POLR3A: variants seen among roughly 807,000 people sequenced by gnomAD.
POLR3A encodes RNA polymerase III subunit A.
Under a neutral mutation model 152.8 loss-of-function variants are expected in POLR3A, and 112 were observed. The observed-to-expected ratio is 0.73, with a 90% confidence interval of 0.63 to 0.86. POLR3A has a LOEUF of 0.86. Among genes scored for constraint, POLR3A ranks in the 40% least tolerant of loss-of-function variants. The pLI is 0.00. For missense variants in POLR3A, 1,385 were observed against 1,743.1 expected (o/e 0.79, Z 3.66); for synonymous variants, 615 against 652.1 (o/e 0.94, Z 0.87).
intron 23 of POLR3A, among the ~76,000 whole-genome samples, 199 bp from the exon 24 acceptor site, chr10:77,985,539 G>T (rs1450617826): frequency 6.6e-6 from 1 of 152,234 alleles, no homozygotes; most frequent in East Asian, 1.9e-4. Context: ...AGGTCAGAGA[G>T]GGGGCAGCAG....
At chr10:78,021,476 T>G (rs777972768) in intron 8 of POLR3A, 70 bp downstream of exon 8, 2 of 1,543,112 alleles carry the variant, frequency 1.3e-6, no homozygotes, top group South Asian at 2.2e-5. Context: ...GCCTGTTGTT[T>G]GCAATACCAA....
chr10:78,009,509 T>C, intron 14 of POLR3A, 28 bp downstream of exon 14: 2 of 1,614,178 alleles, frequency 1.2e-6, no homozygotes, highest in South Asian at 1.1e-5. Context: ...CGTTCCTCCT[T>C]CTCCCCACCC....
intron 1 of POLR3A, 76 bp downstream of exon 1, chr10:78,029,288 T>A: frequency 6.7e-7 from 1 of 1,487,668 alleles, no homozygotes; most frequent in Non-Finnish European, 9.4e-7. Context: ...TCTCTGACCC[T>A]GCAAGACCCG....
intron 21 of POLR3A, among the ~76,000 whole-genome samples, chr10:77,989,327 A>T (rs1453899524): frequency 6.6e-6 from 1 of 152,192 alleles, no homozygotes; most frequent in Non-Finnish European, 1.5e-5. Context: ...GCCACTCAGG[A>T]GTGCCTCTGT....
At chr10:78,022,055 C>G in intron 6 of POLR3A, 33 bp from the exon 7 acceptor site, 1 of 1,614,146 alleles carries the variant, frequency 6.2e-7, no homozygotes, top group East Asian at 2.2e-5. Flanking sequence ...AGAAACAAAC[C>G]TGGTCAGTTT....
intron 21 of POLR3A, among the ~76,000 whole-genome samples, chr10:77,988,505 C>CA (rs1230328493): frequency 2.6e-4 from 40 of 151,422 alleles, no homozygotes; most frequent in Admixed American, 1.6e-3. Context: ...AAAAAAAAAA[C>CA]AAAAAAACTT....
chr10:78,016,671 G>C (rs547778873), intron 10 of POLR3A, among the ~76,000 whole-genome samples: 1 of 148,148 alleles, frequency 6.8e-6, no homozygotes, highest in Non-Finnish European at 1.5e-5. Flanking sequence ...CCAAGACTGC[G>C]ACACTGCACA....
At chr10:77,996,894 A>G (rs1236747462) in intron 19 of POLR3A, among the ~76,000 whole-genome samples, 3 of 152,210 alleles carry the variant, frequency 2.0e-5, no homozygotes, top group African/African-American at 7.2e-5. Context: ...CTTGATGAAC[A>G]TCGATGCAAA....
chr10:78,016,203 T>G lies in POLR3A; in HGVS notation c.1431+1372A>C, dbSNP rs1847522311. Among the ~76,000 whole-genome samples, 2 of 152,136 alleles carry G rather than the reference T, an allele frequency of 1.3e-5. 1 individual carries two copies. Among genetic ancestry groups the G allele is most frequent in the South Asian group, 4.1e-4 (2 of 4,830 alleles). ...AAAAAATATGGTTTAAGGTCTTAGT[T>G]GGAGGATTACTGCAAAGAAAAAATC... On this transcript the variant is annotated intron_variant, in intron 10 of 30. Coordinates refer to ENST00000372371, the MANE Select transcript of POLR3A (RefSeq NM_007055.4).
intron 16 of POLR3A, among the ~76,000 whole-genome samples, chr10:78,004,374 G>A (rs991146126): frequency 2.6e-5 from 4 of 152,170 alleles, no homozygotes; most frequent in African/African-American, 9.7e-5. Context: ...GTTACAGAAG[G>A]GACCTGAGTG....
intron 20 of POLR3A, among the ~76,000 whole-genome samples, chr10:77,992,110 C>A (rs1206173470): frequency 6.6e-6 from 1 of 152,190 alleles, no homozygotes; most frequent in Non-Finnish European, 1.5e-5. Context: ...AAGTTATATT[C>A]TCAAAGTATG....
At chr10:78,016,713 C>CAAA (rs140941978) in intron 10 of POLR3A, among the ~76,000 whole-genome samples, 1 of 79,572 alleles carries the variant, frequency 1.3e-5, no homozygotes, top group African/African-American at 3.9e-5. Flanking sequence ...GACTCTGTCT[C>CAAA]AAAAAAAAAA....
intron 17 of POLR3A, 30 bp downstream of exon 17, chr10:78,002,167 T>C (rs1444963842): frequency 1.6e-5 from 22 of 1,391,640 alleles, no homozygotes; most frequent in Non-Finnish European, 2.1e-5. Context: ...GAGAACACAC[T>C]GCCAGCAGGT....
In POLR3A at chr10:77,977,525, G is replaced by C; in HGVS notation, c.4126C>G (p.Pro1376Ala). 2 of 1,614,116 alleles carry C rather than the reference G, an allele frequency of 1.2e-6. No individual in the cohort carries two copies. The highest frequency in any genetic ancestry group is 1.7e-6 in the Non-Finnish European group (2 of 1,179,984). ...AATTCATTTGTGTCGAAGATCAGGGGCCTCTTGGGAGGGTTCGGGTCCCTG... is the reference window on the plus strand; with the variant it reads ...AATTCATTTGTGTCGAAGATCAGGGCCCTCTTGGGAGGGTTCGGGTCCCTG... The part of the protein sequence containing the change: ...ADRDPNPPKR[P>A]LIFDTNEFHI... The change falls in exon 31 of 31, where the codon CCC becomes GCC. Residue 1376 changes from proline to alanine, a missense_variant. This residue lies in a region of POLR3A where 332 missense variants were observed against 400.1 expected (regional missense o/e 0.83). Coordinates refer to ENST00000372371, the MANE Select transcript of POLR3A (RefSeq NM_007055.4).
intron 16 of POLR3A, 27 bp downstream of exon 16, chr10:78,004,689 G>T: frequency 6.3e-7 from 1 of 1,594,610 alleles, no homozygotes; most frequent in South Asian, 1.1e-5. Flanking sequence ...GGCAAGTGGC[G>T]ACCCTGAACC....
In POLR3A at chr10:77,993,384, A is replaced by T; in HGVS notation, c.2617-17T>A. The T allele has an allele frequency of 1.9e-6, 3 of 1,609,092 alleles. No homozygotes were observed. The highest frequency in any genetic ancestry group is 2.6e-6 in the Non-Finnish European group (3 of 1,175,536). On this transcript the variant is annotated splice_polypyrimidine_tract_variant and intron_variant, in intron 19 of 30. Coordinates refer to ENST00000372371, the MANE Select transcript of POLR3A (RefSeq NM_007055.4). ...AAGCCTTCGCTAAAGGAAAAGGAGG[A>T]AAAAGCTCAGCTGCTTTGAGAAGAC...
rs1847091053 is a variant in POLR3A, at chr10:77,976,570, G to C, written c.*908C>G. 6.6e-6 allele frequency: 1 copy of C among 152,120 alleles called. No homozygotes were observed. The highest frequency in any genetic ancestry group is 1.9e-4 in the East Asian group (1 of 5,198). The allele number at this position is 152,120 out of a possible 1,614,324, so 9.4% of individuals were successfully genotyped here. A position where few individuals can be genotyped will look rare whatever the true frequency, so the allele number is the denominator to read the frequency against. ...GATCCAAGAACCAATGGCTACCCCG[G>C]GTACCTTAACAGCATCAACTCAGAA... On this transcript the variant is annotated 3_prime_UTR_variant, in exon 31 of 31. Transcript: ENST00000372371.
At chr10:78,003,958 G>T (rs1005683319) in intron 16 of POLR3A, among the ~76,000 whole-genome samples, 9 of 151,780 alleles carry the variant, frequency 5.9e-5, no homozygotes, top group Non-Finnish European at 5.9e-5. Flanking sequence ...AAAACTGGCT[G>T]GGCGTAGTGG....
intron 14 of POLR3A, among the ~76,000 whole-genome samples, chr10:78,008,926 G>C (rs1847436591): frequency 6.6e-6 from 1 of 151,662 alleles, no homozygotes; most frequent in South Asian, 2.1e-4. Flanking sequence ...GGAGGGCAAG[G>C]CAGATCACTT....
Sources: allele counts gnomAD v4.1 joint callset (sites outside exome capture counted in the v4.1 genomes callset), GRCh38; gene constraint gnomAD v4.1.1; regional missense constraint gnomAD v4.1.1; transcripts MANE v1.5; gene names NCBI Gene and HGNC (gene_info 2026-07-23, HGNC 2026-07-21).